Variants in GALNT13 observed in about 807,000 individuals in gnomAD.
GALNT13 encodes polypeptide N-acetylgalactosaminyltransferase 13.
GALNT13 carries 28 observed loss-of-function variants against 64.2 expected under a neutral mutation model. The observed-to-expected ratio is 0.44, with a 90% CI of 0.32 to 0.60. The LOEUF is 0.60. Ranked by LOEUF, GALNT13 falls within the 20% of genes least tolerant of loss-of-function variation. GALNT13 has a pLI of 0.05. For missense variants in GALNT13, 577 were observed against 669.8 expected (o/e 0.86, Z 1.53); for synonymous variants, 214 against 224.6 (o/e 0.95, Z 0.42).
chr2:153,298,718 T>A, the GALNT13 span, among the ~76,000 whole-genome samples: 9 of 152,112 alleles, frequency 5.9e-5, no homozygotes, highest in Admixed American at 3.9e-4. Context: ...AAGAAGAGAA[T>A]AGAGGACAGA....
intron 9 of GALNT13, among the ~76,000 whole-genome samples, chr2:154,361,030 A>G (rs577287948): frequency 3.3e-5 from 5 of 152,216 alleles, no homozygotes; most frequent in African/African-American, 1.2e-4. Context: ...ATGTAAAACA[A>G]TTGGAGCATG....
At chr2:153,677,417 A>G in the GALNT13 span, among the ~76,000 whole-genome samples, 866 of 152,152 alleles carry the variant, frequency 5.7e-3, 10 homozygotes, top group African/African-American at 0.02. Flanking sequence ...TGACCCAAAC[A>G]AATGGAAAAA....
At chr2:153,781,100 A>T in the GALNT13 span, among the ~76,000 whole-genome samples, 1 of 152,186 alleles carries the variant, frequency 6.6e-6, no homozygotes, top group South Asian at 2.1e-4. Flanking sequence ...AGAGGTTAAT[A>T]ATCCAGGCAG....
chr2:154,222,314 G>T (rs533961182), intron 4 of GALNT13, among the ~76,000 whole-genome samples: 295 of 152,184 alleles, frequency 1.9e-3, no homozygotes, highest in Non-Finnish European at 3.3e-3. Flanking sequence ...CAATGAGGCA[G>T]ATCTTTGAAA....
intron 1 of GALNT13, among the ~76,000 whole-genome samples, chr2:153,879,845 A>T (rs1399897312): frequency 1.3e-5 from 2 of 152,226 alleles, no homozygotes; most frequent in Non-Finnish European, 2.9e-5. Context: ...TGCACCAGAT[A>T]AATAAATATA....
At chr2:153,291,752 A>AAC in the GALNT13 span, among the ~76,000 whole-genome samples, 2 of 151,756 alleles carry the variant, frequency 1.3e-5, no homozygotes, top group African/African-American at 2.4e-5. Context: ...AGGAAAAAAA[A>AAC]AAAAAAAAAC....
intron 3 of GALNT13, among the ~76,000 whole-genome samples, chr2:153,986,821 G>A (rs919656272): frequency 2.0e-5 from 3 of 151,946 alleles, no homozygotes; most frequent in Admixed American, 6.6e-5. Context: ...AAGGCTGCTC[G>A]TGCAGGATCT....
the GALNT13 span, among the ~76,000 whole-genome samples, chr2:153,784,881 A>G: frequency 0.86 from 131,355 of 152,176 alleles, 57,607 homozygotes; most frequent in Non-Finnish European, 0.91. Flanking sequence ...TGACTTAGTC[A>G]TTGTTGCCTT....
In GALNT13 at chr2:154,248,385, A is replaced by C. The variant is rs143392479; in HGVS notation, c.857+2403A>C. On this transcript the variant is annotated intron_variant, in intron 7 of 12. Coordinates refer to ENST00000392825, the MANE Select transcript of GALNT13 (RefSeq NM_052917.4). ...TATGGAATAATATACATAATTACGAATATATATTTTCCTTTAATCAGTAAT... is the reference window on the plus strand; with the variant it reads ...TATGGAATAATATACATAATTACGACTATATATTTTCCTTTAATCAGTAAT... 2.7e-3 allele frequency among the ~76,000 whole-genome samples: 412 copies of C among 152,222 alleles called. 4 individuals carry two copies. The highest frequency in any genetic ancestry group is 9.8e-3 in the African/African-American group (408 of 41,562).
At chr2:153,220,754 G>T in the GALNT13 span, among the ~76,000 whole-genome samples, 1 of 152,038 alleles carries the variant, frequency 6.6e-6, no homozygotes, top group Non-Finnish European at 1.5e-5. Context: ...AGATTAAATA[G>T]AATTATATAA....
At chr2:154,206,173 T>C (rs1274648675) in intron 4 of GALNT13, among the ~76,000 whole-genome samples, 2 of 151,164 alleles carry the variant, frequency 1.3e-5, no homozygotes, top group East Asian at 3.9e-4. Flanking sequence ...AATTTTTCTA[T>C]TTTTTTTATA....
chr2:153,544,651 T>G, the GALNT13 span, among the ~76,000 whole-genome samples: 1 of 152,322 alleles, frequency 6.6e-6, no homozygotes, highest in Non-Finnish European at 1.5e-5. Flanking sequence ...ATGATTCAGG[T>G]AAGATTTCTC....
At chr2:153,712,346 A>T in the GALNT13 span, among the ~76,000 whole-genome samples, 1 of 152,184 alleles carries the variant, frequency 6.6e-6, no homozygotes, top group African/African-American at 2.4e-5. Flanking sequence ...GAGATTTAAG[A>T]CATTATATAT....
chr2:154,119,962 G>A (rs145218449), intron 3 of GALNT13, among the ~76,000 whole-genome samples: 98 of 152,152 alleles, frequency 6.4e-4, no homozygotes, highest in African/African-American at 2.2e-3. Context: ...TAGCTTTATT[G>A]TACATTTGGA....
At chr2:153,664,401 C>A in the GALNT13 span, among the ~76,000 whole-genome samples, 77 of 152,300 alleles carry the variant, frequency 5.1e-4, no homozygotes, top group African/African-American at 1.7e-3. Context: ...ATGGTTATCT[C>A]CCTTGTTCCC....
At chr2:153,582,342 C>T in the GALNT13 span, among the ~76,000 whole-genome samples, 1 of 151,412 alleles carries the variant, frequency 6.6e-6, no homozygotes, top group Non-Finnish European at 1.5e-5. Flanking sequence ...TTTTTTTTTC[C>T]ATGTAAAAAA....
At chr2:153,440,802 GT>G in the GALNT13 span, among the ~76,000 whole-genome samples, 2 of 151,444 alleles carry the variant, frequency 1.3e-5, no homozygotes, top group African/African-American at 4.8e-5. Flanking sequence ...GGTATTGTTT[GT>G]TTTTTTTCTT....
At chr2:153,220,081 T>G in the GALNT13 span, among the ~76,000 whole-genome samples, 1 of 152,142 alleles carries the variant, frequency 6.6e-6, no homozygotes, top group Non-Finnish European at 1.5e-5. Context: ...AACTATCAAG[T>G]TAGGTCCTAG....
the GALNT13 span, among the ~76,000 whole-genome samples, chr2:153,830,907 T>A: frequency 2.0e-5 from 3 of 152,236 alleles, no homozygotes; most frequent in African/African-American, 2.4e-5. Context: ...AACCATTTTT[T>A]AAATATTTTA....
Sources: allele counts gnomAD v4.1 joint callset (sites outside exome capture counted in the v4.1 genomes callset), GRCh38; gene constraint gnomAD v4.1.1; transcripts MANE v1.5; gene names NCBI Gene and HGNC (gene_info 2026-07-23, HGNC 2026-07-21).